Variants in CEP112 observed in about 807,000 individuals in gnomAD.
The protein encoded by CEP112 is centrosomal protein of 112 kDa.
A neutral mutation model predicts 153.0 loss-of-function variants in CEP112; 127 were observed. That is an observed-to-expected ratio of 0.83 (90% CI 0.72 to 0.96). The LOEUF is 0.96. CEP112 is among the 40% of genes least tolerant of loss of function. CEP112 has a pLI of 0.00. For synonymous variants in CEP112, 358 were observed against 374.4 expected (o/e 0.96, Z 0.51); for missense variants, 1,089 against 1,101.2 (o/e 0.99, Z 0.16).
chr17:65,918,132 A>G (rs1049951704), intron 19 of CEP112, among the ~76,000 whole-genome samples: 5 of 150,288 alleles, frequency 3.3e-5, no homozygotes, highest in African/African-American at 1.2e-4. Context: ...GTGAGCCGAG[A>G]TTGCGCCACT....
chr17:65,751,686 T>C (rs535224763), intron 21 of CEP112, among the ~76,000 whole-genome samples: 1 of 152,372 alleles, frequency 6.6e-6, no homozygotes, highest in African/African-American at 2.4e-5. Flanking sequence ...TGATTATTCT[T>C]AGAATTTCCT....
intron 11 of CEP112, among the ~76,000 whole-genome samples, chr17:66,057,147 C>A (rs2066723966): frequency 6.6e-6 from 1 of 152,140 alleles, no homozygotes; most frequent in Admixed American, 6.5e-5. Flanking sequence ...ACCAATTTGG[C>A]TGTATTGTGG....
At chr17:65,647,100 T>C (rs757072573) in intron 24 of CEP112, among the ~76,000 whole-genome samples, 1 of 152,046 alleles carries the variant, frequency 6.6e-6, no homozygotes, top group Non-Finnish European at 1.5e-5. Context: ...TACATGTAAA[T>C]TTGTCACATG....
chr17:65,687,613 C>T (rs557626698), intron 24 of CEP112, among the ~76,000 whole-genome samples: 2 of 152,128 alleles, frequency 1.3e-5, no homozygotes, highest in South Asian at 4.2e-4. Context: ...ATGTGATATA[C>T]ATATGACACA....
chr17:66,165,725 T>C (rs78287016), intron 4 of CEP112, among the ~76,000 whole-genome samples: 280 of 152,334 alleles, frequency 1.8e-3, no homozygotes, highest in African/African-American at 6.3e-3. Context: ...TCATTATACT[T>C]GATCACCATC....
At chr17:65,761,266 CT>C (rs2052597795) in intron 21 of CEP112, among the ~76,000 whole-genome samples, 1 of 151,542 alleles carries the variant, frequency 6.6e-6, no homozygotes, top group Non-Finnish European at 1.5e-5. Flanking sequence ...TTCTTTTAAA[CT>C]TTTTTTAAAT....
chr17:66,097,942 C>T (rs546420915), intron 6 of CEP112, among the ~76,000 whole-genome samples: 1 of 152,282 alleles, frequency 6.6e-6, no homozygotes, highest in East Asian at 1.9e-4. Context: ...GGTTCTTACA[C>T]TTGTTAAATT....
chr17:65,804,228 G>C (rs1202830645), intron 21 of CEP112, among the ~76,000 whole-genome samples: 2 of 152,056 alleles, frequency 1.3e-5, no homozygotes, highest in Non-Finnish European at 2.9e-5. Flanking sequence ...GAGAAGCTTT[G>C]TATTTTGATT....
chr17:66,110,643 C>T (rs1431982654), intron 6 of CEP112, among the ~76,000 whole-genome samples: 3 of 150,542 alleles, frequency 2.0e-5, no homozygotes, highest in Non-Finnish European at 4.4e-5. Context: ...ATGTTATGGC[C>T]TCAATCTAGA....
chr17:65,930,959 T>C (rs1376724101), intron 18 of CEP112, among the ~76,000 whole-genome samples: 2 of 152,232 alleles, frequency 1.3e-5, no homozygotes, highest in African/African-American at 2.4e-5. Flanking sequence ...CTTCCTTCTC[T>C]CTATGCTCTA....
intron 21 of CEP112, among the ~76,000 whole-genome samples, chr17:65,784,582 G>A (rs940155120): frequency 2.6e-5 from 4 of 152,066 alleles, no homozygotes; most frequent in Non-Finnish European, 4.4e-5. Context: ...CCGGGTTCAC[G>A]CCATTCTCCT....
chr17:65,732,606 G>T (rs570105381), intron 23 of CEP112, among the ~76,000 whole-genome samples: 4 of 152,224 alleles, frequency 2.6e-5, no homozygotes, highest in African/African-American at 9.6e-5. Flanking sequence ...CTGTCATTTA[G>T]TGTAGTCACC....
chr17:65,669,041 T>G (rs1277976555), intron 24 of CEP112, among the ~76,000 whole-genome samples: 2 of 152,214 alleles, frequency 1.3e-5, no homozygotes, highest in African/African-American at 4.8e-5. Context: ...GATTGTCAAG[T>G]AAAGTTCTAG....
At chr17:65,933,538 A>G (rs1450252319) in intron 18 of CEP112, among the ~76,000 whole-genome samples, 2 of 152,226 alleles carry the variant, frequency 1.3e-5, no homozygotes, top group Non-Finnish European at 2.9e-5. Flanking sequence ...ATATATACTC[A>G]AAGTACTGAA....
chr17:66,175,126 T>C lies in CEP112; in HGVS notation c.388A>G (p.Ser130Gly). The C allele has an allele frequency of 6.2e-7, 1 of 1,613,750 alleles. No individual in the cohort carries two copies. The highest frequency in any genetic ancestry group is 8.5e-7 in the Non-Finnish European group (1 of 1,179,792). Residue 130 changes from serine (S) to glycine (G), a missense_variant, in exon 4 of 27, where the codon AGT becomes GGT. Transcript: ENST00000535342. ...PAWVLGELETSEHKLNESWKL... is the reference protein window; with the variant it reads ...PAWVLGELETGEHKLNESWKL... The stretch of plus-strand genomic sequence containing the variant: ...CATGATTCATTTAATTTGTGTTCAC[T>C]TGTCTCCAGCTCACCCAGTACCCAG...
intron 21 of CEP112, among the ~76,000 whole-genome samples, chr17:65,841,179 C>G (rs1451028670): frequency 1.3e-5 from 2 of 151,732 alleles, no homozygotes; most frequent in Non-Finnish European, 2.9e-5. Flanking sequence ...AATTAGTATA[C>G]CAAAGAGAGA....
At chr17:66,100,183 A>G (rs1002776032) in intron 6 of CEP112, among the ~76,000 whole-genome samples, 1 of 152,060 alleles carries the variant, frequency 6.6e-6, no homozygotes, top group East Asian at 1.9e-4. Flanking sequence ...GCGGATCACA[A>G]GGTCAGGAGA....
intron 12 of CEP112, among the ~76,000 whole-genome samples, chr17:66,042,400 T>G (rs2066023627): frequency 6.6e-6 from 1 of 151,896 alleles, no homozygotes; most frequent in African/African-American, 2.4e-5. Context: ...TATGATACGA[T>G]GAGAATAGCA....
At chr17:65,942,417 T>C (rs1172202262) in intron 18 of CEP112, among the ~76,000 whole-genome samples, 1 of 152,154 alleles carries the variant, frequency 6.6e-6, no homozygotes, top group Non-Finnish European at 1.5e-5. Context: ...TTCCCTTATG[T>C]TACAAAAAGT....
Sources: allele counts gnomAD v4.1 joint callset (sites outside exome capture counted in the v4.1 genomes callset), GRCh38; gene constraint gnomAD v4.1.1; transcripts MANE v1.5; gene names NCBI Gene and HGNC (gene_info 2026-07-23, HGNC 2026-07-21).